ADAMTS20: variants seen among roughly 807,000 people sequenced by gnomAD.
ADAMTS20 encodes ADAM metallopeptidase with thrombospondin type 1 motif 20, also known as A disintegrin and metalloproteinase with thrombospondin motifs 20.
A neutral mutation model predicts 260.1 loss-of-function variants in ADAMTS20; 225 were observed. The ratio of observed to expected loss-of-function variants is 0.87; its 90% CI spans 0.78 to 0.97. ADAMTS20 has a LOEUF of 0.97. ADAMTS20 is among the 50% of genes least tolerant of loss of function. The pLI, the probability that ADAMTS20 is intolerant of heterozygous loss-of-function variation, is 0.00. For synonymous variants in ADAMTS20, 802 were observed against 769.5 expected (o/e 1.04, Z -0.70); for missense variants, 2,400 against 2,337.7 (o/e 1.03, Z -0.55).
At chr12:43,440,305 C>A (rs2137326071) in intron 16 of ADAMTS20, among the ~76,000 whole-genome samples, 1 of 152,154 alleles carries the variant, frequency 6.6e-6, no homozygotes, top group South Asian at 2.1e-4. Context: ...TGCGCCACCA[C>A]GCCTGGCTAA....
At chr12:43,375,604 T>G in intron 35 of ADAMTS20, 92 bp from the exon 36 acceptor site, 1 of 1,352,640 alleles carries the variant, frequency 7.4e-7, no homozygotes, top group East Asian at 2.3e-5. Flanking sequence ...AACACACTCC[T>G]GCTCTTTAAT....
intron 28 of ADAMTS20, among the ~76,000 whole-genome samples, chr12:43,416,081 T>G (rs1395162416): frequency 6.6e-6 from 1 of 152,198 alleles, no homozygotes; most frequent in Non-Finnish European, 1.5e-5. Flanking sequence ...CACCTTCAGA[T>G]GCCACCCCAC....
intron 14 of ADAMTS20, among the ~76,000 whole-genome samples, chr12:43,447,862 C>T (rs1443271144): frequency 6.6e-6 from 1 of 151,950 alleles, no homozygotes; most frequent in South Asian, 2.1e-4. Flanking sequence ...AAACTTGAGA[C>T]CCAAATAAGG....
In ADAMTS20 at chr12:43,552,190, C is replaced by T. The variant is rs907029955; in HGVS notation, c.-269G>A. 1.3e-5 allele frequency among the ~76,000 whole-genome samples: 2 copies of T among 152,212 alleles called. No homozygotes were observed. The highest frequency in any genetic ancestry group is 2.9e-5 in the Non-Finnish European group (2 of 68,038). ...AGAAACTCTCTGCTCAGGTTCAGCT[C>T]GGCGCGGGGAAGCAACTCGACCTAG... On this transcript the variant is annotated 5_prime_UTR_variant, in exon 1 of 39. Transcript: ENST00000389420.
At chr12:43,393,664 T>C (rs538592960) in intron 29 of ADAMTS20, among the ~76,000 whole-genome samples, 1 of 152,216 alleles carries the variant, frequency 6.6e-6, no homozygotes, top group South Asian at 2.1e-4. Context: ...TTTTTTATTA[T>C]GGATAAGGTT....
At chr12:43,416,226 C>T (rs1941126671) in intron 28 of ADAMTS20, among the ~76,000 whole-genome samples, 2 of 152,044 alleles carry the variant, frequency 1.3e-5, no homozygotes, top group Non-Finnish European at 2.9e-5. Flanking sequence ...CTAAATCATC[C>T]TCGGCTTTTG....
chr12:43,421,074 G>T (rs1306531762), intron 28 of ADAMTS20, among the ~76,000 whole-genome samples: 1 of 151,540 alleles, frequency 6.6e-6, no homozygotes, highest in African/African-American at 2.4e-5. Flanking sequence ...CTCCCAAAGT[G>T]CTGGGATTAC....
chr12:43,461,700 C>T (rs549410570), intron 11 of ADAMTS20, among the ~76,000 whole-genome samples: 2 of 152,162 alleles, frequency 1.3e-5, no homozygotes, highest in African/African-American at 4.8e-5. Context: ...TTTTTTTCCT[C>T]TGCTGAGCCT....
At chr12:43,495,078 A>T (rs1440879649) in intron 4 of ADAMTS20, among the ~76,000 whole-genome samples, 1 of 152,202 alleles carries the variant, frequency 6.6e-6, no homozygotes, top group African/African-American at 2.4e-5. Context: ...GAAAATCTGG[A>T]TGTTATAATA....
intron 28 of ADAMTS20, among the ~76,000 whole-genome samples, chr12:43,417,431 T>A (rs1417261858): frequency 6.6e-6 from 1 of 152,208 alleles, no homozygotes; most frequent in African/African-American, 2.4e-5. Context: ...TACAACATAA[T>A]GTGATAACAA....
intron 29 of ADAMTS20, among the ~76,000 whole-genome samples, chr12:43,388,072 C>CAAAAAA (rs909186776): frequency 7.4e-4 from 109 of 147,404 alleles, no homozygotes; most frequent in African/African-American, 2.4e-3. Flanking sequence ...GTGCCACGTA[C>CAAAAAA]AAAAAAAAAA....
At position 43,432,808 on chromosome 12, in the gene ADAMTS20, C is replaced by G; in HGVS notation, c.2724G>C (p.Trp908Cys). 1.2e-6 allele frequency: 2 copies of G among 1,611,330 alleles called. No homozygotes were observed. The highest frequency in any genetic ancestry group is 2.2e-5 in the East Asian group (1 of 44,852). ...QSCNTDCELR[W>C]HVIGKSECSS... ...AACATTCACTTTTGCCAATAACATGCCACCTTGAAAAAAGATGTTACTATA... is the reference window on the plus strand; with the variant it reads ...AACATTCACTTTTGCCAATAACATGGCACCTTGAAAAAAGATGTTACTATA... The change falls in exon 20 of 39, where the codon TGG becomes TGC. Residue 908 changes from tryptophan to cysteine, a missense_variant. By Grantham distance (215) the Trp-to-Cys change is radical. Coordinates refer to ENST00000389420, the MANE Select transcript of ADAMTS20 (RefSeq NM_025003.5).
intron 3 of ADAMTS20, among the ~76,000 whole-genome samples, chr12:43,514,613 T>C: frequency 7.5e-6 from 1 of 133,654 alleles, no homozygotes; most frequent in Non-Finnish European, 1.6e-5. Flanking sequence ...TTCCACATCT[T>C]CAAATGCAAT....
At chr12:43,491,472 GA>G (rs1188196429) in intron 6 of ADAMTS20, among the ~76,000 whole-genome samples, 1 of 152,116 alleles carries the variant, frequency 6.6e-6, no homozygotes, top group East Asian at 1.9e-4. Context: ...CAGGATTCTA[GA>G]AAGCTGAGAT....
At chr12:43,501,638 C>T (rs1025184681) in intron 4 of ADAMTS20, among the ~76,000 whole-genome samples, 4 of 152,016 alleles carry the variant, frequency 2.6e-5, no homozygotes, top group Admixed American at 6.6e-5. Context: ...TTAGAGTTAT[C>T]GTGACCTTAT....
At chr12:43,507,204 A>G (rs1265168316) in intron 3 of ADAMTS20, among the ~76,000 whole-genome samples, 1 of 152,178 alleles carries the variant, frequency 6.6e-6, no homozygotes, top group Non-Finnish European at 1.5e-5. Flanking sequence ...AATCATCATG[A>G]TGTATACCTT....
chr12:43,506,442 C>T (rs1942843114), intron 3 of ADAMTS20, among the ~76,000 whole-genome samples: 1 of 151,276 alleles, frequency 6.6e-6, no homozygotes, highest in South Asian at 2.1e-4. Flanking sequence ...TACTGAAGTG[C>T]ACACGTAAAA....
At chr12:43,470,124 A>T (rs1942227057) in intron 7 of ADAMTS20, among the ~76,000 whole-genome samples, 2 of 152,204 alleles carry the variant, frequency 1.3e-5, no homozygotes, top group Admixed American at 6.5e-5. Flanking sequence ...TTAAGATTCT[A>T]CAATTCATGC....
At chr12:43,548,522 C>A (rs1943470296) in intron 2 of ADAMTS20, among the ~76,000 whole-genome samples, 1 of 141,790 alleles carries the variant, frequency 7.1e-6, no homozygotes, top group South Asian at 2.2e-4. Context: ...ATTCTAAAAT[C>A]TACCAGGTTC....
Sources: allele counts gnomAD v4.1 joint callset (sites outside exome capture counted in the v4.1 genomes callset), GRCh38; gene constraint gnomAD v4.1.1; transcripts MANE v1.5; gene names NCBI Gene and HGNC (gene_info 2026-07-23, HGNC 2026-07-21).